Variants in GRHL3 observed in about 807,000 individuals in gnomAD.
The protein encoded by GRHL3 is grainyhead-like protein 3 homolog.
A neutral mutation model predicts 70.3 loss-of-function variants in GRHL3; 20 were observed. That is an observed-to-expected ratio of 0.28 (90% CI 0.20 to 0.41). The LOEUF is 0.41. GRHL3 is among the 10% of genes least tolerant of loss of function. The pLI, the probability that GRHL3 is intolerant of heterozygous loss-of-function variation, is 1.00. For missense variants in GRHL3, 637 were observed against 762.3 expected (o/e 0.84, Z 1.94); for synonymous variants, 299 against 299.9 (o/e 1.00, Z 0.03).
At position 24,354,652 on chromosome 1, in the gene GRHL3, AGACCTAGGGGGT is replaced by A; in HGVS notation, c.*165_*176del. 1.8e-6 allele frequency: 1 copy of A among 567,668 alleles called. No homozygotes were observed. Among genetic ancestry groups the A allele is most frequent in the Non-Finnish European group, 3.2e-6 (1 of 316,694 alleles). The allele number at this position is 567,668 out of a possible 1,614,324, so 35.2% of individuals were successfully genotyped here. On this transcript the variant is annotated 3_prime_UTR_variant, in exon 16 of 16. Coordinates refer to ENST00000361548, the MANE Select transcript of GRHL3 (RefSeq NM_198173.3). ...ACCCACAGACGTCAGGGCCAGGGAG[AGACCTAGGGGGT>A]CCCCTGGCCTGGATCCCCATGGTAT... is the stretch of plus-strand genomic sequence containing the variant.
exon 16 of GRHL3, chr1:24,364,230 T>C (rs1182521612): frequency 1.3e-6 from 2 of 1,545,014 alleles, no homozygotes; most frequent in African/African-American, 1.4e-5. Flanking sequence ...ACCCCCCACC[T>C]GACTGTCTTG....
At position 24,334,663 on chromosome 1, in the gene GRHL3, A is replaced by T. The variant is rs1314224679; in HGVS notation, c.223A>T (p.Ile75Leu). 1 of 1,611,738 alleles carries T rather than the reference A, an allele frequency of 6.2e-7. No individual in the cohort carries two copies. Among genetic ancestry groups the T allele is most frequent in the African/African-American group, 1.3e-5 (1 of 74,908 alleles). The change falls in exon 3 of 16, where the codon ATA (isoleucine) becomes TTA (leucine). Residue 75 changes from isoleucine (I) to leucine (L), a missense_variant. Coordinates refer to ENST00000361548, the MANE Select transcript of GRHL3 (RefSeq NM_198173.3). The surrounding 1 kb of genome is among the most constrained non-coding windows in gnomAD (Gnocchi z 4.3). ...TTCTCAGGGTCCCAAGGAGAAGCGG[A>T]TATTGTCCTCCAGCACTGGGGGCAG... is the stretch of plus-strand genomic sequence containing the variant. ...DYYMGPKEKR[I>L]LSSSTGGRND... is the part of the protein sequence containing the mutation.
At position 24,346,648 on chromosome 1, in the gene GRHL3, T is replaced by A; in HGVS notation, c.1543+7T>A. 1 of 1,604,354 alleles carries A rather than the reference T, an allele frequency of 6.2e-7. No homozygotes were observed. The highest frequency in any genetic ancestry group is 8.5e-7 in the Non-Finnish European group (1 of 1,172,546). ...GAAGGCGACCTTCAGAGAGGTGACCTCCCGCCCTCCTCATTTACTCACCAG... is the reference window on the plus strand; with the variant it reads ...GAAGGCGACCTTCAGAGAGGTGACCACCCGCCCTCCTCATTTACTCACCAG... On this transcript the variant is annotated splice_region_variant and intron_variant, in intron 13 of 15. Transcript: ENST00000361548.
chr1:24,331,323 TC>T, intron 1 of GRHL3, 102 bp from the exon 2 acceptor site: 1 of 1,085,918 alleles, frequency 9.2e-7, no homozygotes, highest in Non-Finnish European at 1.3e-6. Flanking sequence ...TTTCATGTTT[TC>T]AAAGCTAATA....
At chr1:24,352,497 A>G (rs763268570) in intron 15 of GRHL3, among the ~76,000 whole-genome samples, 4 of 152,126 alleles carry the variant, frequency 2.6e-5, no homozygotes, top group Non-Finnish European at 5.9e-5. Flanking sequence ...GCTGTCATTA[A>G]CTTTTGAGAA....
At chr1:24,358,719 G>A (rs1274711925), downstream of GRHL3, 4 of 842,322 alleles carry the variant, frequency 4.7e-6, no homozygotes, top group South Asian at 4.8e-5. Context: ...GGGGACCCCT[G>A]TGCCAGCCCC....
chr1:24,361,874 C>A (rs1028166247), intron 15 of GRHL3, among the ~76,000 whole-genome samples: 1 of 152,174 alleles, frequency 6.6e-6, no homozygotes, highest in African/African-American at 2.4e-5. Flanking sequence ...GACAAGATGA[C>A]CTCTGAGGTC....
chr1:24,356,857 A>T (rs377070934), downstream of GRHL3: 12 of 152,310 alleles, frequency 7.9e-5, no homozygotes, highest in African/African-American at 2.6e-4. Context: ...TTTTTTAAAA[A>T]GGTGTGAAAA....
At chr1:24,320,276 T>C (rs896620306) in intron 1 of GRHL3, among the ~76,000 whole-genome samples, 10 of 152,232 alleles carry the variant, frequency 6.6e-5, no homozygotes, top group Non-Finnish European at 8.8e-5. Context: ...GTTCCTCTCA[T>C]TCAGAGGCAG....
intron 11 of GRHL3, among the ~76,000 whole-genome samples, chr1:24,343,602 G>T (rs1308416933): frequency 1.3e-5 from 2 of 152,132 alleles, no homozygotes; most frequent in African/African-American, 2.4e-5. Context: ...GGGACTGAGC[G>T]CCTGGCAGCC....
intron 8 of GRHL3, among the ~76,000 whole-genome samples, chr1:24,341,345 G>A (rs79290970): frequency 0.017 from 2,576 of 152,302 alleles, 77 homozygotes; most frequent in African/African-American, 0.059. Context: ...CTGCAGACAA[G>A]GAAACCGAGG....
chr1:24,331,744 C>G (rs1456168990), intron 2 of GRHL3, 132 bp downstream of exon 2: 1 of 616,656 alleles, frequency 1.6e-6, no homozygotes, highest in Admixed American at 3.2e-5. Context: ...GCTGTTCCCT[C>G]TGCCTGGCAC....
At chr1:24,349,527 G>A (rs1640423521) in intron 14 of GRHL3, among the ~76,000 whole-genome samples, 1 of 152,214 alleles carries the variant, frequency 6.6e-6, no homozygotes, top group East Asian at 1.9e-4. Context: ...TGTCTTAAGT[G>A]TTTAATGTGG....
At chr1:24,328,570 T>C (rs1639479418) in intron 1 of GRHL3, among the ~76,000 whole-genome samples, 1 of 152,228 alleles carries the variant, frequency 6.6e-6, no homozygotes, top group African/African-American at 2.4e-5. Context: ...ATTTATCTTT[T>C]TTAAAGGGTA....
Position 24,364,207 on chromosome 1 carries a change from C to A in GRHL3, c.1717C>A (p.Arg573Ser), listed in dbSNP as rs763952499. Residue 573 changes from arginine to serine, a missense_variant, in exon 16 of 16, where the codon CGC becomes AGC. By Grantham distance (110) the Arg-to-Ser change is moderately radical. Coordinates refer to the GRHL3 transcript ENST00000350501. ...CAGGGAAACTTCTCTCCTCCACCCA[C>A]GCCTGTCTCGCCACCCCCCACCTGA... The A allele has an allele frequency of 3.2e-6, 5 of 1,539,424 alleles. No homozygotes were observed. The East Asian group carries it at 1.2e-4, about 38-fold the overall frequency.
downstream of GRHL3, chr1:24,357,732 C>A: frequency 5.6e-6 from 1 of 177,644 alleles, no homozygotes; most frequent in Non-Finnish European, 1.2e-5. Flanking sequence ...CAGCCTCCAC[C>A]AAAACCACTA....
At chr1:24,337,057 T>TG in intron 4 of GRHL3, 21 bp from the exon 5 acceptor site, 1 of 1,611,182 alleles carries the variant, frequency 6.2e-7, no homozygotes, top group Non-Finnish European at 8.5e-7. Context: ...TTTATTCTCT[T>TG]GGGGCTGTGT....
chr1:24,330,757 C>T (rs1639572593), intron 1 of GRHL3, among the ~76,000 whole-genome samples: 2 of 152,216 alleles, frequency 1.3e-5, no homozygotes, highest in South Asian at 4.1e-4. Flanking sequence ...CGAGATAATG[C>T]CTTGTATTTG....
Position 24,334,532 on chromosome 1 carries a change from C to A in GRHL3, c.205-113C>A. On this transcript the variant is annotated intron_variant, in intron 2 of 15. Coordinates refer to ENST00000361548, the MANE Select transcript of GRHL3 (RefSeq NM_198173.3). This position sits in a 1 kb window ranked among gnomAD's most constrained non-coding sequence, Gnocchi z 4.3. ...GATGAGATTTGGGTGGGGACACAGCCGAACCATATCACCAAAGTTACTCCC... is the reference window on the plus strand; with the variant it reads ...GATGAGATTTGGGTGGGGACACAGCAGAACCATATCACCAAAGTTACTCCC... 5.2e-6 allele frequency: 4 copies of A among 764,316 alleles called. No individual in the cohort carries two copies. Among genetic ancestry groups the A allele is most frequent in the Admixed American group, 2.0e-5 (1 of 49,964 alleles). 47.3% of individuals were successfully genotyped at this position (764,316 alleles called of 1,614,324 possible).
Sources: allele counts gnomAD v4.1 joint callset (sites outside exome capture counted in the v4.1 genomes callset), GRCh38; gene constraint gnomAD v4.1.1; non-coding constraint Gnocchi (gnomAD v3.1); transcripts MANE v1.5; gene names NCBI Gene and HGNC (gene_info 2026-07-23, HGNC 2026-07-21).